Variants in SLC35F2 observed in about 807,000 individuals in gnomAD.
SLC35F2 encodes the protein solute carrier family 35 member F2, also known as queuine/queuosine transporter SLC35F2.
Under a neutral mutation model 38.1 loss-of-function variants are expected in SLC35F2, and 25 were observed. That is an observed-to-expected ratio of 0.66 (90% CI 0.48 to 0.92). SLC35F2 has a LOEUF of 0.92. Among genes scored for constraint, SLC35F2 ranks in the 40% least tolerant of loss-of-function variants. The probability of loss-of-function intolerance (pLI) is 0.00; values close to 1 mark genes in which losing one functional copy is unlikely to be tolerated. For synonymous variants in SLC35F2, 173 were observed against 181.7 expected (o/e 0.95, Z 0.38); for missense variants, 409 against 452.9 (o/e 0.90, Z 0.88).
intron 1 of SLC35F2, among the ~76,000 whole-genome samples, chr11:107,834,182 G>A (rs537116693): frequency 6.6e-6 from 1 of 152,232 alleles, no homozygotes; most frequent in East Asian, 1.9e-4. Flanking sequence ...TAAATTAAGG[G>A]GTCAGTTGGA....
Position 107,815,811 on chromosome 11 carries a change from CTG to C in SLC35F2, c.263_264del (p.Thr88SerfsTer10). 6.2e-7 allele frequency: 1 copy of C among 1,612,008 alleles called. No homozygotes were observed. Among genetic ancestry groups the C allele is most frequent in the Non-Finnish European group, 8.5e-7 (1 of 1,179,326 alleles). On this transcript the variant is annotated frameshift_variant, in exon 2 of 8. Transcript: ENST00000525815. LOFTEE classifies it high-confidence loss of function. ...ATACCTGATCGAAATGCCAGCATCA[CTG>C]TATAAATTAGGAACAGCAAGCAATA... is the stretch of plus-strand genomic sequence containing the variant. ...INYCLLFLIY[T>X]VMLAFRSGSD... is the part of the protein sequence containing the mutation.
chr11:107,830,865 G>A (rs1859829266), intron 1 of SLC35F2, among the ~76,000 whole-genome samples: 1 of 152,098 alleles, frequency 6.6e-6, no homozygotes, highest in African/African-American at 2.4e-5. Context: ...ATGAGTATTG[G>A]GGAAAGGGTG....
intron 1 of SLC35F2, among the ~76,000 whole-genome samples, chr11:107,818,762 G>A (rs1007357934): frequency 6.6e-6 from 1 of 152,108 alleles, no homozygotes; most frequent in Non-Finnish European, 1.5e-5. Context: ...TATTTTGGTT[G>A]TATTCCTTTT....
intron 7 of SLC35F2, among the ~76,000 whole-genome samples, chr11:107,796,366 G>GT (rs1164423959): frequency 1.3e-5 from 2 of 152,108 alleles, no homozygotes; most frequent in Non-Finnish European, 2.9e-5. Flanking sequence ...GCAAAGATAT[G>GT]GAATCAACCT....
intron 1 of SLC35F2, among the ~76,000 whole-genome samples, chr11:107,856,959 T>G (rs1860298881): frequency 1.6e-5 from 2 of 124,496 alleles, no homozygotes; most frequent in African/African-American, 3.2e-5. Flanking sequence ...ACAGAGAAGT[T>G]AAGTGACTTG....
chr11:107,828,365 C>T (rs1385615797), intron 1 of SLC35F2, among the ~76,000 whole-genome samples: 1 of 148,530 alleles, frequency 6.7e-6, no homozygotes, highest in East Asian at 2.0e-4. Context: ...AACCGGAAGG[C>T]GGAGGTTGCA....
intron 2 of SLC35F2, 94 bp from the exon 3 acceptor site, chr11:107,811,888 GTTT>G: frequency 3.4e-6 from 4 of 1,177,340 alleles, no homozygotes; most frequent in Non-Finnish European, 3.5e-6. Context: ...AGAGTTTCTT[GTTT>G]TTTTTTCTTT....
At chr11:107,829,560 A>G (rs11212398) in intron 1 of SLC35F2, among the ~76,000 whole-genome samples, 8,750 of 152,030 alleles carry the variant, frequency 0.058, 516 homozygotes, top group African/African-American at 0.15. Context: ...CAGCCTTTAG[A>G]GCTATATGAA....
chr11:107,823,247 ATTC>A, intron 1 of SLC35F2: 1 of 983,578 alleles, frequency 1.0e-6, no homozygotes, highest in Non-Finnish European at 1.2e-6. Flanking sequence ...CCACTAAATT[ATTC>A]TTTTCTTTTT....
At position 107,792,249 on chromosome 11, in the gene SLC35F2, C is replaced by T. The variant is rs971530784; in HGVS notation, c.*366G>A. 4.1e-5 allele frequency: 7 copies of T among 168,684 alleles called. No homozygotes were observed. Among genetic ancestry groups the T allele is most frequent in the Non-Finnish European group, 7.5e-5 (6 of 80,114 alleles). 10.4% of individuals were successfully genotyped at this position (168,684 alleles called of 1,614,324 possible). ...GTGAGCTGCCCCTGTTCCTGACCAC[C>T]AAGCCCAGCCTGGACAGCCTGCTTT... On this transcript the variant is annotated 3_prime_UTR_variant, in exon 8 of 8. Transcript: ENST00000525815.
intron 6 of SLC35F2, 121 bp from the exon 7 acceptor site, chr11:107,803,276 T>C (rs1025105061): frequency 7.6e-7 from 1 of 1,313,406 alleles, no homozygotes; most frequent in African/African-American, 1.5e-5. Context: ...CAAAGCCCCT[T>C]GTTAACAGTC....
At chr11:107,824,654 T>C (rs946017257) in intron 1 of SLC35F2, among the ~76,000 whole-genome samples, 1 of 152,202 alleles carries the variant, frequency 6.6e-6, no homozygotes, top group African/African-American at 2.4e-5. Flanking sequence ...GTAGTTCTCT[T>C]ATGTCTTTTT....
rs928089868 is a variant in SLC35F2, at chr11:107,816,264, G to A, written c.111-299C>T. The A allele has an allele frequency of 4.3e-5, 41 of 948,134 alleles. No individual in the cohort carries two copies. The Admixed American group carries it at 5.0e-4, about 12-fold the overall frequency. 58.7% of individuals were successfully genotyped at this position (948,134 alleles called of 1,614,324 possible). On this transcript the variant is annotated intron_variant, in intron 1 of 7. Coordinates refer to ENST00000525815, the MANE Select transcript of SLC35F2 (RefSeq NM_017515.5). The stretch of plus-strand genomic sequence containing the variant: ...CTATAACATATACTTTGTAAAGTGC[G>A]CACGTGTGTGTGTGTGTGTATGACT...
In SLC35F2 at chr11:107,792,563, G is replaced by A; in HGVS notation, c.*52C>T. 1 of 1,535,782 alleles carries A rather than the reference G, an allele frequency of 6.5e-7. No homozygotes were observed. Among genetic ancestry groups the A allele is most frequent in the South Asian group, 1.3e-5 (1 of 76,908 alleles). On this transcript the variant is annotated 3_prime_UTR_variant, in exon 8 of 8. Transcript: ENST00000525815. ...ATTTCCCCAAGTGTCCCCTCAGCAG[G>A]CAGCAGGCTCTGCTTTATCCTGGTG...
rs1211077568 is a variant in SLC35F2 at position 107,804,994 on chromosome 11, C to CA, written c.732-225dup. On this transcript the variant is annotated intron_variant, in intron 5 of 7. Transcript: ENST00000525815. ...CTTACAGGTGCTCTGAAATAATAGT[C>CA]AAGTATAGGAGGAAAATATGATATT... is the stretch of plus-strand genomic sequence containing the variant. The CA allele has an allele frequency of 8.3e-6, 8 of 963,338 alleles. No individual in the cohort carries two copies. In the East Asian group the frequency reaches 8.1e-4, roughly 97 times the overall value. The allele number at this position is 963,338 out of a possible 1,614,324, so 59.7% of individuals were successfully genotyped here.
chr11:107,839,399 T>C (rs1362281097), intron 1 of SLC35F2, among the ~76,000 whole-genome samples: 1 of 152,066 alleles, frequency 6.6e-6, no homozygotes, highest in East Asian at 1.9e-4. Flanking sequence ...AGGCAGAGGT[T>C]ACAGTGAGCA....
At chr11:107,841,922 C>T (rs144962684) in intron 1 of SLC35F2, among the ~76,000 whole-genome samples, 3 of 151,726 alleles carry the variant, frequency 2.0e-5, no homozygotes, top group East Asian at 3.9e-4. Context: ...AAAGATTAGC[C>T]GGGCGTGGTG....
intron 1 of SLC35F2, among the ~76,000 whole-genome samples, chr11:107,820,012 T>C (rs1859642967): frequency 6.6e-6 from 1 of 151,976 alleles, no homozygotes; most frequent in Non-Finnish European, 1.5e-5. Flanking sequence ...TCCCAGCAAT[T>C]TAAGAGGCCA....
At chr11:107,842,276 A>AAAAAAAAAAAAAAG (rs1860024848) in intron 1 of SLC35F2, among the ~76,000 whole-genome samples, 1 of 148,626 alleles carries the variant, frequency 6.7e-6, no homozygotes, top group Non-Finnish European at 1.5e-5. Flanking sequence ...AAAAAAAAAA[A>AAAAAAAAAAAAAAG]AAAAAAAAAT....
Sources: allele counts gnomAD v4.1 joint callset (sites outside exome capture counted in the v4.1 genomes callset), GRCh38; gene constraint gnomAD v4.1.1; transcripts MANE v1.5; gene names NCBI Gene and HGNC (gene_info 2026-07-23, HGNC 2026-07-21).